The following EPHA5 variants were observed in gnomAD, a reference collection of about 807,000 sequenced individuals.
EPHA5 encodes EPH receptor A5.
In EPHA5, 60 loss-of-function variants were observed where a neutral mutation model predicts 105.0. The ratio of observed to expected loss-of-function variants is 0.57; its 90% CI spans 0.46 to 0.71. EPHA5 has a LOEUF of 0.71. EPHA5 is among the 30% of genes least tolerant of loss of function. The pLI, the probability that EPHA5 is intolerant of heterozygous loss-of-function variation, is 0.00. For synonymous variants in EPHA5, 513 were observed against 449.1 expected (o/e 1.14, Z -1.80); for missense variants, 1,218 against 1,274.7 (o/e 0.96, Z 0.68).
intron 8 of EPHA5, among the ~76,000 whole-genome samples, chr4:65,397,033 C>A (rs1185051669): frequency 6.6e-6 from 1 of 152,204 alleles, no homozygotes; most frequent in African/African-American, 2.4e-5. Context: ...ACAAATGTGG[C>A]AAGCTGTGGC....
chr4:65,420,359 C>T (rs775833197), intron 6 of EPHA5, 82 bp downstream of exon 6: 86 of 1,362,890 alleles, frequency 6.3e-5, no homozygotes, highest in Non-Finnish European at 8.1e-5. Context: ...TTGCAACATA[C>T]TCTTCTGCAA....
intron 8 of EPHA5, among the ~76,000 whole-genome samples, chr4:65,383,066 A>G (rs1180797361): frequency 6.7e-6 from 1 of 149,368 alleles, no homozygotes; most frequent in African/African-American, 2.4e-5. Flanking sequence ...TATGTAAATT[A>G]TGTACAAATT....
intron 14 of EPHA5, among the ~76,000 whole-genome samples, chr4:65,342,307 A>C (rs573543340): frequency 1.3e-5 from 2 of 152,194 alleles, no homozygotes; most frequent in African/African-American, 4.8e-5. Context: ...CAAGGGCGGC[A>C]TTATCCTTAA....
intron 6 of EPHA5, among the ~76,000 whole-genome samples, chr4:65,418,078 C>CAGAT (rs1560515715): frequency 2.0e-5 from 3 of 152,126 alleles, no homozygotes; most frequent in African/African-American, 7.2e-5. Flanking sequence ...TATTGCATCT[C>CAGAT]AGATAGTCAA....
At chr4:65,555,667 C>T (rs1738365784) in intron 3 of EPHA5, among the ~76,000 whole-genome samples, 1 of 141,270 alleles carries the variant, frequency 7.1e-6, no homozygotes, top group Admixed American at 6.7e-5. Flanking sequence ...GCTACTTCAT[C>T]AGGCTCTTAA....
rs543708302 is a variant in EPHA5, at chr4:65,363,448, C to T, written c.2173+1569G>A. ...GTCCATGTTCTTGACTATTATGTAA[C>T]GTGGTCTTCCATGATAATAACAGTA... On this transcript the variant is annotated intron_variant, in intron 11 of 16. Coordinates refer to ENST00000613740, the MANE Select transcript of EPHA5 (RefSeq NM_001281766.3). 9.5e-4 allele frequency among the ~76,000 whole-genome samples: 144 copies of T among 151,558 alleles called. 1 individual carries two copies. In the Middle Eastern group the frequency reaches 0.01, roughly 11 times the overall value.
At chr4:65,635,584 T>A (rs1480846445) in intron 2 of EPHA5, among the ~76,000 whole-genome samples, 5 of 151,880 alleles carry the variant, frequency 3.3e-5, no homozygotes, top group African/African-American at 1.2e-4. Context: ...TGATCTTACA[T>A]AACAACAGCT....
chr4:65,460,210 G>A (rs1053273149), intron 5 of EPHA5, among the ~76,000 whole-genome samples: 6 of 151,174 alleles, frequency 4.0e-5, no homozygotes, highest in African/African-American at 1.5e-4. Flanking sequence ...TATATATAGG[G>A]AACAGAATTA....
intron 5 of EPHA5, among the ~76,000 whole-genome samples, chr4:65,460,811 T>A (rs989142588): frequency 1.3e-5 from 2 of 151,812 alleles, no homozygotes; most frequent in African/African-American, 4.8e-5. Context: ...TGCTTCAATG[T>A]ACGTGTGTGT....
chr4:65,414,214 T>C (rs2149017873), intron 7 of EPHA5, 70 bp downstream of exon 7: 2 of 1,362,822 alleles, frequency 1.5e-6, no homozygotes, highest in Middle Eastern at 1.8e-4. Flanking sequence ...CCAGGGAGGG[T>C]ATTGATCCAC....
At chr4:65,352,006 A>AG (rs1045486122) in intron 12 of EPHA5, among the ~76,000 whole-genome samples, 12 of 152,034 alleles carry the variant, frequency 7.9e-5, no homozygotes, top group African/African-American at 2.7e-4. Flanking sequence ...AGAGGTGATA[A>AG]GGGAGTTTCT....
intron 2 of EPHA5, among the ~76,000 whole-genome samples, chr4:65,635,515 A>C (rs941567030): frequency 6.6e-6 from 1 of 152,174 alleles, no homozygotes; most frequent in Admixed American, 6.6e-5. Flanking sequence ...GAGGAAGCAC[A>C]GACAACTCAG....
chr4:65,333,275 C>A (rs1035024984), intron 15 of EPHA5, among the ~76,000 whole-genome samples: 1 of 151,652 alleles, frequency 6.6e-6, no homozygotes, highest in African/African-American at 2.4e-5. Flanking sequence ...TCTCTCTACT[C>A]AGGTTCTCTC....
chr4:65,529,245 C>T (rs1299440133), intron 3 of EPHA5, among the ~76,000 whole-genome samples: 1 of 151,708 alleles, frequency 6.6e-6, no homozygotes, highest in Non-Finnish European at 1.5e-5. Context: ...CTTTCAAATC[C>T]CCAAACAGTG....
chr4:65,566,283 A>G (rs1375951497), intron 3 of EPHA5, among the ~76,000 whole-genome samples: 1 of 151,806 alleles, frequency 6.6e-6, no homozygotes, highest in African/African-American at 2.4e-5. Context: ...GTGTGTAGCA[A>G]ACACACAATT....
intron 3 of EPHA5, among the ~76,000 whole-genome samples, chr4:65,516,115 A>G (rs1208557835): frequency 6.6e-6 from 1 of 152,120 alleles, no homozygotes; most frequent in Admixed American, 6.6e-5. Context: ...TGATCCTTGA[A>G]CAATGTGGGG....
intron 1 of EPHA5, among the ~76,000 whole-genome samples, chr4:65,661,437 C>T (rs749049099): frequency 1.3e-5 from 2 of 152,068 alleles, no homozygotes; most frequent in Non-Finnish European, 1.5e-5. Context: ...TACCATGGTT[C>T]GAAACTAGGT....
intron 8 of EPHA5, 124 bp downstream of exon 8, chr4:65,404,250 G>A (rs1722135614): frequency 1.5e-6 from 1 of 675,922 alleles, no homozygotes; most frequent in Non-Finnish European, 2.6e-6. Flanking sequence ...ATCATGTATT[G>A]AGATTATCTG....
chr4:65,548,344 T>C (rs1253795463), intron 3 of EPHA5, among the ~76,000 whole-genome samples: 1 of 150,194 alleles, frequency 6.7e-6, no homozygotes, highest in African/African-American at 2.5e-5. Flanking sequence ...GTTAGTCAAC[T>C]GAAATATAAG....
Sources: gnomAD v4.1 joint callset for allele counts (sites outside exome capture counted in the v4.1 genomes callset) on GRCh38, gnomAD v4.1.1 for gene constraint, MANE v1.5 for transcripts, NCBI Gene and HGNC (gene_info 2026-07-23, HGNC 2026-07-21) for gene names.